Variants in OR8B2 observed in about 807,000 individuals in gnomAD.
The protein encoded by OR8B2 is olfactory receptor 8B2.
For missense variants in OR8B2, 304 were observed against 379.6 expected (o/e 0.80, Z 1.65); for synonymous variants, 98 against 138.2 (o/e 0.71, Z 2.04).
At chr11:124,384,783 G>A (rs571676617), upstream of OR8B2, among the ~76,000 whole-genome samples, 1 of 152,142 alleles carries the variant, frequency 6.6e-6, no homozygotes, top group African/African-American at 2.4e-5. Flanking sequence ...AGCCTAACTT[G>A]TTGTTGTAGA....
upstream of OR8B2, among the ~76,000 whole-genome samples, chr11:124,388,362 T>G (rs2134195897): frequency 6.6e-6 from 1 of 152,130 alleles, no homozygotes; most frequent in East Asian, 1.9e-4. Context: ...ATGCTTCCAG[T>G]TTTTGTCCAT....
chr11:124,383,600 G>T (rs1289961439), intron 1 of OR8B2, among the ~76,000 whole-genome samples: 1 of 152,162 alleles, frequency 6.6e-6, no homozygotes, highest in Non-Finnish European at 1.5e-5. Flanking sequence ...AGGTGGAGTA[G>T]CTGAGGCACA....
the OR8B2 span, chr11:124,396,717 C>A: frequency 3.3e-3 from 5,334 of 1,613,650 alleles, 174 homozygotes; most frequent in African/African-American, 0.063. Flanking sequence ...GAGGATGGTA[C>A]AACTGGGTAC....
At chr11:124,389,828 C>CA in the OR8B2 span, among the ~76,000 whole-genome samples, 1 of 151,816 alleles carries the variant, frequency 6.6e-6, no homozygotes, top group Non-Finnish European at 1.5e-5. Context: ...AAGATCCTGC[C>CA]AAAAAAGCCA....
chr11:124,395,380 A>G, the OR8B2 span, among the ~76,000 whole-genome samples: 3 of 152,236 alleles, frequency 2.0e-5, no homozygotes, highest in Non-Finnish European at 2.9e-5. Flanking sequence ...GAATTCGACA[A>G]AATAAAGGAA....
At chr11:124,390,010 A>G in the OR8B2 span, among the ~76,000 whole-genome samples, 1 of 152,182 alleles carries the variant, frequency 6.6e-6, no homozygotes, top group Non-Finnish European at 1.5e-5. Flanking sequence ...GGGATGCATA[A>G]CCAGATTCTC....
the OR8B2 span, chr11:124,396,494 A>G: frequency 7.7e-3 from 12,411 of 1,609,286 alleles, 191 homozygotes; most frequent in African/African-American, 0.058. Context: ...TGTAGATGAG[A>G]GGATTGAGCA....
chr11:124,382,455 T>G lies in OR8B2; in HGVS notation c.889A>C (p.Lys297Gln), dbSNP rs1860605535. Residue 297 changes from lysine (K) to glutamine (Q), a missense_variant, in exon 2 of 2, where the codon AAA becomes CAA. Coordinates refer to ENST00000641451, the MANE Select transcript of OR8B2 (RefSeq NM_001005468.2). ...LIYSLRNKDV[K>Q]VALRKALIKI... Reference sequence around the variant, plus strand: ...ATCAGAGCTTTCCTCAGTGCAACTTTGACATCCTTGTTCCTCAAACTGTAG... The same window carrying G: ...ATCAGAGCTTTCCTCAGTGCAACTTGGACATCCTTGTTCCTCAAACTGTAG... 2 of 1,613,668 alleles carry G rather than the reference T, an allele frequency of 1.2e-6. No individual in the cohort carries two copies. Among genetic ancestry groups the G allele is most frequent in the East Asian group, 4.5e-5 (2 of 44,876 alleles).
At chr11:124,391,874 G>A in the OR8B2 span, among the ~76,000 whole-genome samples, 2 of 149,618 alleles carry the variant, frequency 1.3e-5, no homozygotes, top group East Asian at 2.0e-4. Context: ...TAAAATACTG[G>A]CAAACCAAAT....
At chr11:124,384,569 T>C (rs1860662951), upstream of OR8B2, 1 of 151,990 alleles carries the variant, frequency 6.6e-6, no homozygotes, top group Non-Finnish European at 1.5e-5. Context: ...GAGGTGTAGA[T>C]CAAACTATTT....
chr11:124,397,238 G>A, the OR8B2 span: 8 of 1,596,656 alleles, frequency 5.0e-6, no homozygotes, highest in Middle Eastern at 1.7e-4. Flanking sequence ...TGCCTACCAT[G>A]GTGACAATGT....
chr11:124,383,587 C>G (rs646515), intron 1 of OR8B2, among the ~76,000 whole-genome samples: 131,982 of 152,142 alleles, frequency 0.87, 57,268 homozygotes, highest in South Asian at 0.92. Flanking sequence ...CTAGAAGACA[C>G]AGAGGTGGAG....
intron 1 of OR8B2, among the ~76,000 whole-genome samples, chr11:124,383,566 T>C (rs1024815531): frequency 2.0e-5 from 3 of 152,192 alleles, no homozygotes; most frequent in Admixed American, 2.0e-4. Context: ...AAACAATTGC[T>C]CCTGTCCTTA....
chr11:124,396,708 A>G, the OR8B2 span: 1 of 1,613,952 alleles, frequency 6.2e-7, no homozygotes, highest in Non-Finnish European at 8.5e-7. Flanking sequence ...ATAAGAAATG[A>G]GGATGGTACA....
At chr11:124,391,685 A>T in the OR8B2 span, among the ~76,000 whole-genome samples, 1 of 152,150 alleles carries the variant, frequency 6.6e-6, no homozygotes, top group Non-Finnish European at 1.5e-5. Flanking sequence ...CCAGAGGTAC[A>T]AGGAGGAACT....
chr11:124,396,873 G>T, the OR8B2 span: 14 of 1,606,788 alleles, frequency 8.7e-6, no homozygotes, highest in Non-Finnish European at 1.1e-5. Flanking sequence ...CATGCACCCG[G>T]TGTGGGCCGT....
chr11:124,386,597 T>G (rs113847864), upstream of OR8B2, among the ~76,000 whole-genome samples: 38,671 of 145,488 alleles, frequency 0.27, 3,361 homozygotes, highest in South Asian at 0.34. Flanking sequence ...TCATCATTTT[T>G]TATGGCTGCG....
chr11:124,391,702 A>C, the OR8B2 span, among the ~76,000 whole-genome samples: 3 of 152,058 alleles, frequency 2.0e-5, no homozygotes, highest in African/African-American at 4.8e-5. Flanking sequence ...AACTGGTACC[A>C]TTCCTTCTGA....
chr11:124,383,463 T>C (rs537258871), intron 1 of OR8B2, 103 bp from the exon 2 acceptor site: 12 of 1,054,360 alleles, frequency 1.1e-5, no homozygotes, highest in Admixed American at 7.6e-5. Context: ...GTGAGTTCTT[T>C]GTTTCATGGG....
Sources: gnomAD v4.1 joint callset for allele counts (sites outside exome capture counted in the v4.1 genomes callset) on GRCh38, gnomAD v4.1.1 for gene constraint, MANE v1.5 for transcripts, NCBI Gene and HGNC (gene_info 2026-07-23, HGNC 2026-07-21) for gene names.